The following HMCN1 variants were observed in gnomAD, a reference collection of about 807,000 sequenced individuals.
HMCN1 encodes hemicentin-1.
In HMCN1, 321 loss-of-function variants were observed where a neutral mutation model predicts 625.9. The ratio of observed to expected loss-of-function variants is 0.51; its 90% CI spans 0.47 to 0.56. HMCN1 has a LOEUF of 0.56. Among genes scored for constraint, HMCN1 ranks in the 20% least tolerant of loss-of-function variants. The pLI, the probability that HMCN1 is intolerant of heterozygous loss-of-function variation, is 0.00. For missense variants in HMCN1, 6,588 were observed against 6,887.3 expected (o/e 0.96, Z 1.54); for synonymous variants, 2,425 against 2,417.6 (o/e 1.00, Z -0.09).
At chr1:186,005,395 T>TTTATAAATGTTTATAAACAAGG (rs1653536735) in intron 29 of HMCN1, among the ~76,000 whole-genome samples, 1 of 149,424 alleles carries the variant, frequency 6.7e-6, no homozygotes, top group African/African-American at 2.5e-5. Flanking sequence ...TATAAACAAG[T>TTTATAAATGTTTATAAACAAGG]TTTTAATTGT....
chr1:186,173,504 G>A (rs1435992017), intron 102 of HMCN1, among the ~76,000 whole-genome samples: 1 of 151,866 alleles, frequency 6.6e-6, no homozygotes, highest in African/African-American at 2.4e-5. Context: ...AGCTGGGCAT[G>A]GTGGCGCATG....
rs768223979 is a variant in HMCN1, at chr1:186,152,831, A to G, written c.14978A>G (p.Tyr4993Cys). The G allele has an allele frequency of 1.2e-6, 2 of 1,613,988 alleles. No homozygotes were observed. Among genetic ancestry groups the G allele is most frequent in the East Asian group, 2.2e-5 (1 of 44,858 alleles). Residue 4993 changes from tyrosine to cysteine, a missense_variant, in exon 96 of 107, where the codon TAT becomes TGT. Transcript: ENST00000271588. ...SLLLDIVVSGYVLQLQSPAEV... is the reference protein window; with the variant it reads ...SLLLDIVVSGCVLQLQSPAEV... ...CTGCTAGATATCGTTGTGAGTGGCT[A>G]TGTCCTACAGCTTCAGTCACCTGCT... is the stretch of plus-strand genomic sequence containing the variant.
chr1:185,821,021 A>AAT (rs923469686), intron 1 of HMCN1, among the ~76,000 whole-genome samples: 15 of 151,426 alleles, frequency 9.9e-5, no homozygotes, highest in East Asian at 5.8e-4. Flanking sequence ...ATGTACCTGT[A>AAT]ATATATATAT....
intron 1 of HMCN1, among the ~76,000 whole-genome samples, chr1:185,804,465 A>C (rs1659040387): frequency 6.6e-6 from 1 of 152,098 alleles, no homozygotes; most frequent in South Asian, 2.1e-4. Flanking sequence ...AGGAAAAGGA[A>C]GCCTGATTTA....
In HMCN1 at chr1:185,735,000, C is replaced by G. The variant is rs1447701684; in HGVS notation, c.221C>G (p.Pro74Arg). The G allele has an allele frequency of 6.2e-7, 1 of 1,613,986 alleles. No homozygotes were observed. Among genetic ancestry groups the G allele is most frequent in the Non-Finnish European group, 8.5e-7 (1 of 1,179,950 alleles). ...ATTTTGGAGACGTCTTTGAAAAGAC[C>G]TAAAAGACCTCTTTTCAACTTTGCG... ...SKILETSLKR[P>R]KRPLFNFALV... The change falls in exon 1 of 107, where the codon CCT becomes CGT. Residue 74 changes from proline (P) to arginine (R), a missense_variant. Around this residue, in one of 3 missense-constraint regions of HMCN1, gnomAD observed 4,628 missense variants for 4,853.1 expected, o/e 0.95. Coordinates refer to ENST00000271588, the MANE Select transcript of HMCN1 (RefSeq NM_031935.3).
chr1:186,155,717 G>C (rs1416442417), intron 97 of HMCN1, among the ~76,000 whole-genome samples: 1 of 152,164 alleles, frequency 6.6e-6, no homozygotes, highest in Non-Finnish European at 1.5e-5. Context: ...ACTATCCTTA[G>C]ACACTGTGAT....
chr1:185,943,168 G>C (rs1020439305), intron 11 of HMCN1, among the ~76,000 whole-genome samples: 1 of 152,106 alleles, frequency 6.6e-6, no homozygotes, highest in Non-Finnish European at 1.5e-5. Flanking sequence ...CTTAAGTAAA[G>C]TGTTTTCCTG....
rs553923808 is a variant in HMCN1 at position 186,158,279 on chromosome 1, G to A, written c.15256+4292G>A. On this transcript the variant is annotated intron_variant, in intron 97 of 106. Coordinates refer to ENST00000271588, the MANE Select transcript of HMCN1 (RefSeq NM_031935.3). Reference sequence around the variant, plus strand: ...TGTTCATGTCCTTCGCCCACTTTTTGATGGGGTTGTTTTTTTCTTGTAAAT... The same window carrying A: ...TGTTCATGTCCTTCGCCCACTTTTTAATGGGGTTGTTTTTTTCTTGTAAAT... Among the ~76,000 whole-genome samples the A allele has an allele frequency of 2.4e-4, 36 of 151,164 alleles. No individual in the cohort carries two copies. The East Asian group carries it at 7.0e-3, about 29-fold the overall frequency.
At chr1:186,063,107 A>G (rs1486049702) in intron 48 of HMCN1, among the ~76,000 whole-genome samples, 16 of 37,294 alleles carry the variant, frequency 4.3e-4, no homozygotes, top group African/African-American at 2.8e-3. Flanking sequence ...TATATATCAC[A>G]TTTTCATTAC....
intron 53 of HMCN1, 49 bp from the exon 54 acceptor site, chr1:186,076,379 T>A (rs1458090366): frequency 6.5e-7 from 1 of 1,527,604 alleles, no homozygotes; most frequent in East Asian, 2.3e-5. Flanking sequence ...GCCAAGATCT[T>A]TGTTTAAGCA....
At chr1:185,873,202 A>G (rs962055484) in intron 4 of HMCN1, among the ~76,000 whole-genome samples, 1 of 152,202 alleles carries the variant, frequency 6.6e-6, no homozygotes, top group Non-Finnish European at 1.5e-5. Context: ...GTTAGAGATA[A>G]CTGAATCAGT....
chr1:186,024,423 T>A (rs1256468764), intron 36 of HMCN1, among the ~76,000 whole-genome samples: 1 of 152,178 alleles, frequency 6.6e-6, no homozygotes, highest in Non-Finnish European at 1.5e-5. Context: ...TTCCCTATCC[T>A]GAGGCTCGTT....
At chr1:186,002,936 T>G (rs1337698468) in intron 28 of HMCN1, among the ~76,000 whole-genome samples, 1 of 152,152 alleles carries the variant, frequency 6.6e-6, no homozygotes, top group Admixed American at 6.6e-5. Context: ...TTTGGTGATC[T>G]ACTTCTTTTC....
At chr1:186,115,959 T>C (rs72707433) in intron 75 of HMCN1, among the ~76,000 whole-genome samples, 9 of 152,294 alleles carry the variant, frequency 5.9e-5, no homozygotes, top group Non-Finnish European at 1.2e-4. Flanking sequence ...TTTCTGATGT[T>C]ATAGGTGAGC....
At chr1:185,829,943 C>G (rs1233342487) in intron 1 of HMCN1, among the ~76,000 whole-genome samples, 1 of 152,132 alleles carries the variant, frequency 6.6e-6, no homozygotes, top group Non-Finnish European at 1.5e-5. Context: ...ACCATTCTGA[C>G]TGGTGTGAGA....
Position 186,128,245 on chromosome 1 carries a change from T to A in HMCN1, c.12858T>A (p.Ile4286=), listed in dbSNP as rs1227391082. The change falls in exon 83 of 107, where the codon ATT becomes ATA. Residue 4286 remains isoleucine, a synonymous_variant. Transcript: ENST00000271588. ...GATTAAGCTGTAAAGCTACTGGTAT[T>A]CCATTGCCCAAATTAACATGGACCT... ...QLRLSCKATG[I]PLPKLTWTFN... The A allele has an allele frequency of 6.2e-7, 1 of 1,613,520 alleles. No individual in the cohort carries two copies. Among genetic ancestry groups the A allele is most frequent in the Admixed American group, 1.7e-5 (1 of 59,948 alleles).
intron 81 of HMCN1, 83 bp from the exon 82 acceptor site, chr1:186,125,520 GT>G: frequency 9.3e-7 from 1 of 1,075,872 alleles, no homozygotes; most frequent in East Asian, 2.4e-5. Context: ...CCTGAAAAGA[GT>G]TTTTTATGTG....
chr1:185,849,614 G>A (rs1210432384), intron 2 of HMCN1, among the ~76,000 whole-genome samples: 2 of 152,072 alleles, frequency 1.3e-5, no homozygotes, highest in East Asian at 1.9e-4. Flanking sequence ...GACTTAATTC[G>A]GATCTGCACA....
intron 23 of HMCN1, 83 bp from the exon 24 acceptor site, chr1:185,994,732 G>A (rs1652666026): frequency 2.9e-6 from 4 of 1,356,252 alleles, no homozygotes; most frequent in South Asian, 2.4e-5. Flanking sequence ...ATGGCTGCCT[G>A]TTGATAAGGA....
Sources: gnomAD v4.1 joint callset for allele counts (sites outside exome capture counted in the v4.1 genomes callset) on GRCh38, gnomAD v4.1.1 for gene constraint, gnomAD v4.1.1 regional missense constraint, MANE v1.5 for transcripts, NCBI Gene and HGNC (gene_info 2026-07-23, HGNC 2026-07-21) for gene names.